KHDRBS2: variants seen among roughly 807,000 people sequenced by gnomAD.
The protein encoded by KHDRBS2 is KH RNA binding domain containing, signal transduction associated 2.
Under a neutral mutation model 44.3 loss-of-function variants are expected in KHDRBS2, and 26 were observed. The observed-to-expected ratio is 0.59, with a 90% CI of 0.43 to 0.81. The LOEUF (loss-of-function observed/expected upper bound fraction) is 0.81. KHDRBS2 is among the 40% of genes least tolerant of loss of function. The probability of loss-of-function intolerance (pLI) is 0.00; values close to 1 mark genes in which losing one functional copy is unlikely to be tolerated. For missense variants in KHDRBS2, 476 were observed against 433.1 expected (o/e 1.10, Z -0.88); for synonymous variants, 194 against 151.1 (o/e 1.28, Z -2.08).
the KHDRBS2 span, among the ~76,000 whole-genome samples, chr6:61,588,675 C>A: frequency 8.6e-5 from 13 of 151,982 alleles, no homozygotes; most frequent in African/African-American, 3.1e-4. Context: ...GCCTGCAGTC[C>A]CAGTGGCTTG....
intron 6 of KHDRBS2, among the ~76,000 whole-genome samples, chr6:61,751,130 G>C (rs1230538894): frequency 1.3e-5 from 2 of 152,044 alleles, no homozygotes; most frequent in African/African-American, 4.8e-5. Context: ...GGATAACCTT[G>C]TATGATTTCT....
chr6:62,029,333 C>A (rs1475255394), intron 3 of KHDRBS2, among the ~76,000 whole-genome samples: 1 of 151,456 alleles, frequency 6.6e-6, no homozygotes, highest in Non-Finnish European at 1.5e-5. Flanking sequence ...TTTTTTTTAA[C>A]ATGAATTATG....
chr6:61,700,135 A>T (rs1768413947), intron 7 of KHDRBS2, among the ~76,000 whole-genome samples: 1 of 129,994 alleles, frequency 7.7e-6, no homozygotes, highest in Admixed American at 8.1e-5. Flanking sequence ...CATAGAGGAA[A>T]ATGCTGGCAT....
the KHDRBS2 span, among the ~76,000 whole-genome samples, chr6:61,618,452 T>C: frequency 5.9e-5 from 9 of 152,222 alleles, no homozygotes; most frequent in Non-Finnish European, 1.3e-4. Context: ...TACTTATTTA[T>C]GTATTTGTCT....
chr6:62,044,900 T>TACAACAACA (rs1787345039), intron 3 of KHDRBS2, among the ~76,000 whole-genome samples: 2 of 152,126 alleles, frequency 1.3e-5, no homozygotes, highest in Non-Finnish European at 2.9e-5. Flanking sequence ...TACATACCCA[T>TACAACAACA]ACATACTTAT....
intron 4 of KHDRBS2, among the ~76,000 whole-genome samples, chr6:61,975,241 T>C (rs889358790): frequency 4.6e-5 from 7 of 152,150 alleles, no homozygotes; most frequent in African/African-American, 1.7e-4. Context: ...AGTCCTACCA[T>C]GGAAAATTAA....
chr6:62,229,476 C>T (rs530301548), intron 1 of KHDRBS2, among the ~76,000 whole-genome samples: 2 of 152,238 alleles, frequency 1.3e-5, no homozygotes, highest in South Asian at 2.1e-4. Context: ...ATTGCCCCTC[C>T]CCCAAGTAGC....
chr6:62,230,007 G>A (rs1832639219), intron 1 of KHDRBS2, among the ~76,000 whole-genome samples: 1 of 152,166 alleles, frequency 6.6e-6, no homozygotes, highest in African/African-American at 2.4e-5. Flanking sequence ...TGGTCCTTCT[G>A]AAACCTGGAC....
chr6:61,723,092 AC>A (rs1772954270), intron 7 of KHDRBS2, among the ~76,000 whole-genome samples: 1 of 152,120 alleles, frequency 6.6e-6, no homozygotes, highest in Non-Finnish European at 1.5e-5. Flanking sequence ...AACTGAGGCA[AC>A]TAGGGTCTGA....
chr6:61,718,741 C>T (rs760680313), intron 7 of KHDRBS2, among the ~76,000 whole-genome samples: 7 of 152,090 alleles, frequency 4.6e-5, no homozygotes, highest in Admixed American at 2.0e-4. Flanking sequence ...ACAGCTTTCT[C>T]TGTTTCCCTT....
intron 8 of KHDRBS2, among the ~76,000 whole-genome samples, chr6:61,688,495 T>A (rs1304322630): frequency 1.3e-5 from 2 of 151,856 alleles, no homozygotes; most frequent in Admixed American, 6.6e-5. Flanking sequence ...ATGGTATAAT[T>A]CTCTTCTCAA....
intron 6 of KHDRBS2, among the ~76,000 whole-genome samples, chr6:61,809,084 A>G (rs1271909862): frequency 7.1e-6 from 1 of 141,030 alleles, no homozygotes; most frequent in Non-Finnish European, 1.5e-5. Flanking sequence ...CTCCACTGGG[A>G]AAAAAAAAAG....
the KHDRBS2 span, among the ~76,000 whole-genome samples, chr6:61,560,290 C>T: frequency 6.6e-6 from 1 of 152,216 alleles, no homozygotes; most frequent in East Asian, 1.9e-4. Context: ...AAATAGTCTT[C>T]TTTGGGTGTA....
intron 1 of KHDRBS2, among the ~76,000 whole-genome samples, chr6:62,277,856 C>T (rs115104449): frequency 6.6e-6 from 1 of 152,150 alleles, no homozygotes; most frequent in South Asian, 2.1e-4. Flanking sequence ...CTAAAAATGA[C>T]TTCTTTCCTC....
intron 2 of KHDRBS2, among the ~76,000 whole-genome samples, chr6:62,061,931 C>A (rs1376490778): frequency 6.6e-6 from 1 of 151,726 alleles, no homozygotes; most frequent in Non-Finnish European, 1.5e-5. Flanking sequence ...ATTTCATCTT[C>A]CATCGCTGAT....
chr6:61,850,545 G>A (rs1012194468), intron 6 of KHDRBS2, among the ~76,000 whole-genome samples: 5 of 152,254 alleles, frequency 3.3e-5, no homozygotes, highest in African/African-American at 1.2e-4. Flanking sequence ...TATCTGAAGA[G>A]CCTATTTAAA....
At chr6:61,882,063 C>T (rs1360786590) in intron 6 of KHDRBS2, among the ~76,000 whole-genome samples, 1 of 151,992 alleles carries the variant, frequency 6.6e-6, no homozygotes, top group Non-Finnish European at 1.5e-5. Context: ...AAAGTGAGAA[C>T]ATTAGAAGCA....
rs144176331 is a variant in KHDRBS2 at position 62,078,189 on chromosome 6, C to G, written c.220-30195G>C. 2.8e-3 allele frequency among the ~76,000 whole-genome samples: 419 copies of G among 152,056 alleles called. 1 individual carries two copies. Among genetic ancestry groups the G allele is most frequent in the East Asian group, 0.015 (79 of 5,156 alleles). Reference sequence around the variant, plus strand: ...ACATAATTTATCAATATAAAACTGTCCAAATGTAAATTCTAAGTGATTGAG... The same window carrying G: ...ACATAATTTATCAATATAAAACTGTGCAAATGTAAATTCTAAGTGATTGAG... On this transcript the variant is annotated intron_variant, in intron 2 of 8. Transcript: ENST00000281156.
At chr6:61,843,263 T>C (rs6455029) in intron 6 of KHDRBS2, among the ~76,000 whole-genome samples, 24,462 of 151,610 alleles carry the variant, frequency 0.16, 2,521 homozygotes, top group East Asian at 0.3. Context: ...TGGTGATGGT[T>C]GCACAACTTT....
Sources: gnomAD v4.1 joint callset for allele counts (sites outside exome capture counted in the v4.1 genomes callset) on GRCh38, gnomAD v4.1.1 for gene constraint, MANE v1.5 for transcripts, NCBI Gene and HGNC (gene_info 2026-07-23, HGNC 2026-07-21) for gene names.